The following ZFAND5 variants were observed in gnomAD, a reference collection of about 807,000 sequenced individuals.
ZFAND5 encodes the protein zinc finger AN1-type containing 5, also known as AN1-type zinc finger protein 5.
In ZFAND5, 4 loss-of-function variants were observed where a neutral mutation model predicts 23.6. The observed-to-expected ratio is 0.17, with a 90% CI of 0.08 to 0.39. ZFAND5 has a LOEUF of 0.39. Among genes scored for constraint, ZFAND5 ranks in the 10% least tolerant of loss-of-function variants. The probability of loss-of-function intolerance (pLI) is 1.00; values close to 1 mark genes in which losing one functional copy is unlikely to be tolerated. For synonymous variants in ZFAND5, 68 were observed against 80.6 expected (o/e 0.84, Z 0.84); for missense variants, 161 against 253.7 (o/e 0.63, Z 2.48).
intron 5 of ZFAND5, among the ~76,000 whole-genome samples, chr9:72,358,743 G>A (rs1313917507): frequency 6.6e-6 from 1 of 152,106 alleles, no homozygotes; most frequent in Non-Finnish European, 1.5e-5. Flanking sequence ...TTTCACAACA[G>A]AAGTTTTATA....
At chr9:72,364,315 G>A (rs927228641) in intron 1 of ZFAND5, 18 of 921,554 alleles carry the variant, frequency 2.0e-5, no homozygotes, top group Admixed American at 5.3e-5. Context: ...GGAGAGCTAG[G>A]GGGGGCTGCA....
At chr9:72,360,396 C>T (rs1842064831) in intron 3 of ZFAND5, 175 bp from the exon 4 acceptor site, 1 of 821,770 alleles carries the variant, frequency 1.2e-6, no homozygotes, top group Non-Finnish European at 1.9e-6. Context: ...ATCCAATGAA[C>T]ACAAGTGTGA....
At chr9:72,362,324 A>T (rs1842128898) in intron 2 of ZFAND5, among the ~76,000 whole-genome samples, 1 of 152,220 alleles carries the variant, frequency 6.6e-6, no homozygotes, top group African/African-American at 2.4e-5. Context: ...AATGCTTTCA[A>T]ATGATAAATA....
At chr9:72,362,303 T>C (rs182497007) in intron 2 of ZFAND5, among the ~76,000 whole-genome samples, 2 of 152,198 alleles carry the variant, frequency 1.3e-5, no homozygotes, top group Non-Finnish European at 2.9e-5. Flanking sequence ...ATGAGCATAA[T>C]AGGAGCAAAA....
chr9:72,360,222 CTATT>C lies in ZFAND5; in HGVS notation c.152-5_152-2del, dbSNP rs1338727872. On this transcript the variant is annotated splice_acceptor_variant and splice_polypyrimidine_tract_variant and intron_variant, in intron 3 of 6. Coordinates refer to ENST00000376962, the MANE Select transcript of ZFAND5 (RefSeq NM_001102420.3). LOFTEE classifies it high-confidence loss of function. ...GGACTGTTGGAACCACTAGCTGTTC[CTATT>C]TAAAAAAAGGATTTGTAAGGAACCA... 3.1e-6 allele frequency: 5 copies of C among 1,604,538 alleles called. No homozygotes were observed. Among genetic ancestry groups the C allele is most frequent in the Non-Finnish European group, 2.5e-6 (3 of 1,176,684 alleles).
chr9:72,364,391 G>A, intron 1 of ZFAND5: 1 of 1,181,924 alleles, frequency 8.5e-7, no homozygotes, highest in Non-Finnish European at 1.1e-6. Context: ...CCCACGCCGG[G>A]CGCCGCCGCG....
intron 1 of ZFAND5, chr9:72,364,190 G>GA (rs1447685045): frequency 9.0e-6 from 2 of 222,132 alleles, no homozygotes; most frequent in African/African-American, 4.8e-5. Context: ...GGCCCTCTCC[G>GA]AAAACCACTG....
chr9:72,361,763 A>T (rs755572268), intron 2 of ZFAND5, among the ~76,000 whole-genome samples: 4 of 152,246 alleles, frequency 2.6e-5, no homozygotes, highest in African/African-American at 4.8e-5. Context: ...TCTGGATGAG[A>T]AAATACATAT....
intron 5 of ZFAND5, among the ~76,000 whole-genome samples, chr9:72,358,060 C>T (rs1408335639): frequency 6.6e-6 from 1 of 151,992 alleles, no homozygotes; most frequent in Non-Finnish European, 1.5e-5. Flanking sequence ...AAATTACTGC[C>T]CAAATATGCC....
At chr9:72,359,601 T>G in intron 4 of ZFAND5, 80 bp from the exon 5 acceptor site, 1 of 1,284,208 alleles carries the variant, frequency 7.8e-7, no homozygotes, top group Non-Finnish European at 1.1e-6. Context: ...AGTTCAACTT[T>G]AAATTATAGA....
rs1348277188 is a variant in ZFAND5 at position 72,354,789 on chromosome 9, C to T, written c.*1164G>A. ...CATCACAAAAAACCTTCCATTATAA[C>T]ACAGAAGTGATTATTACCAGACAAG... On this transcript the variant is annotated 3_prime_UTR_variant, in exon 7 of 7. Transcript: ENST00000376962. 6.6e-6 allele frequency: 1 copy of T among 152,534 alleles called. No homozygotes were observed. Among genetic ancestry groups the T allele is most frequent in the Non-Finnish European group, 1.5e-5 (1 of 68,026 alleles). The allele number at this position is 152,534 out of a possible 1,614,324, so 9.4% of individuals were successfully genotyped here.
intron 6 of ZFAND5, 53 bp downstream of exon 6, chr9:72,356,878 G>A: frequency 6.3e-7 from 1 of 1,599,338 alleles, no homozygotes; most frequent in South Asian, 1.1e-5. Flanking sequence ...GTGACCAAAA[G>A]CTCCTTGTTA....
intron 3 of ZFAND5, 28 bp from the exon 4 acceptor site, chr9:72,360,249 C>G: frequency 6.4e-7 from 1 of 1,570,398 alleles, no homozygotes; most frequent in African/African-American, 1.4e-5. Flanking sequence ...TTGTAAGGAA[C>G]CAATGAACAC....
rs1459598955 is a variant in ZFAND5 at position 72,353,691 on chromosome 9, GAGTGATGGA to G, written c.*2253_*2261del. ...TCTCTTGCTACTACTCAGACCTTCA[GAGTGATGGA>G]GTCCGAGGGCTCATCTTACCTTCTC... is the stretch of plus-strand genomic sequence containing the variant. On this transcript the variant is annotated 3_prime_UTR_variant, in exon 7 of 7. Coordinates refer to ENST00000376962, the MANE Select transcript of ZFAND5 (RefSeq NM_001102420.3). 1.3e-5 allele frequency: 2 copies of G among 152,066 alleles called. No homozygotes were observed. 9.4% of individuals were successfully genotyped at this position (152,066 alleles called of 1,614,324 possible).
intron 6 of ZFAND5, 92 bp downstream of exon 6, chr9:72,356,835 TTTTA>T: frequency 1.5e-6 from 2 of 1,362,992 alleles, no homozygotes; most frequent in South Asian, 1.7e-5. Flanking sequence ...TTTTTTTTTT[TTTTA>T]TGTGTAAGAC....
Position 72,362,961 on chromosome 9 carries a change from G to A in ZFAND5, c.-10+509C>T, listed in dbSNP as rs147670204. Among the ~76,000 whole-genome samples, 645 of 152,188 alleles carry A rather than the reference G, an allele frequency of 4.2e-3. 1 individual carries two copies. The highest frequency in any genetic ancestry group is 7.1e-3 in the Non-Finnish European group (482 of 68,018). ...CTCCTACACAACCCCAAGAACTAAG[G>A]ATGCAGCGTTCATATATCTAACATA... On this transcript the variant is annotated intron_variant, in intron 2 of 6. Coordinates refer to ENST00000376962, the MANE Select transcript of ZFAND5 (RefSeq NM_001102420.3).
At chr9:72,356,553 T>G (rs1318283041) in intron 6 of ZFAND5, among the ~76,000 whole-genome samples, 4 of 152,112 alleles carry the variant, frequency 2.6e-5, no homozygotes, top group African/African-American at 9.7e-5. Context: ...TAATGCTTCC[T>G]CAAGTGAAAA....
At chr9:72,364,652 G>T (rs1346053440) in intron 1 of ZFAND5, 44 bp downstream of exon 1, 4 of 1,149,880 alleles carry the variant, frequency 3.5e-6, no homozygotes, top group Admixed American at 4.2e-5. Flanking sequence ...CCCCGGCCCG[G>T]CAACAAGGAG....
Position 72,354,354 on chromosome 9 carries a change from G to A in ZFAND5, c.*1599C>T, listed in dbSNP as rs534186411. 2 of 152,402 alleles carry A rather than the reference G, an allele frequency of 1.3e-5. No individual in the cohort carries two copies. Among genetic ancestry groups the A allele is most frequent in the East Asian group, 3.9e-4 (2 of 5,190 alleles). The allele number at this position is 152,402 out of a possible 1,614,324, so 9.4% of individuals were successfully genotyped here. On this transcript the variant is annotated 3_prime_UTR_variant, in exon 7 of 7. Coordinates refer to ENST00000376962, the MANE Select transcript of ZFAND5 (RefSeq NM_001102420.3). ...TGATTATCACTTGAACAAGTTCAGC[G>A]ATGGCAAAGGAAAAAAAATTATATA...
Sources: allele counts gnomAD v4.1 joint callset (sites outside exome capture counted in the v4.1 genomes callset), GRCh38; gene constraint gnomAD v4.1.1; transcripts MANE v1.5; gene names NCBI Gene and HGNC (gene_info 2026-07-23, HGNC 2026-07-21).